GALNT16: variants seen among roughly 807,000 people sequenced by gnomAD.
The protein encoded by GALNT16 is polypeptide N-acetylgalactosaminyltransferase 16.
GALNT16 carries 40 observed loss-of-function variants against 76.1 expected under a neutral mutation model. The observed-to-expected ratio is 0.53, with a 90% confidence interval of 0.41 to 0.68. The LOEUF (loss-of-function observed/expected upper bound fraction) is 0.68, where lower values mean the gene tolerates loss of function less well. GALNT16 is among the 30% of genes least tolerant of loss of function. The pLI is 0.00. For synonymous variants in GALNT16, 276 were observed against 285.2 expected (o/e 0.97, Z 0.32); for missense variants, 621 against 731.9 (o/e 0.85, Z 1.75).
At chr14:69,308,103 C>T (rs943583149) in intron 1 of GALNT16, among the ~76,000 whole-genome samples, 20 of 152,136 alleles carry the variant, frequency 1.3e-4, no homozygotes, top group Admixed American at 2.6e-4. Flanking sequence ...CTACTCCGGA[C>T]GGTACCTCGG....
intron 1 of GALNT16, among the ~76,000 whole-genome samples, chr14:69,274,383 T>C (rs1398968848): frequency 9.2e-5 from 14 of 152,228 alleles, no homozygotes; most frequent in Non-Finnish European, 1.8e-4. Flanking sequence ...TTATTCTCTC[T>C]CATTGGGTCA....
rs200995023 is a variant in GALNT16, at chr14:69,347,000, G to T, written c.1272-40G>T. 119 of 1,613,274 alleles carry T rather than the reference G, an allele frequency of 7.4e-5. 1 individual carries two copies. The highest frequency in any genetic ancestry group is 4.9e-4 in the Middle Eastern group (3 of 6,062). On this transcript the variant is annotated intron_variant, in intron 12 of 14. Coordinates refer to ENST00000448469, the MANE Select transcript of GALNT16 (RefSeq NM_001168368.2). ...TGGCAGAGGGTGTAGGTAAGCCTTGGGGGGGAAAGCACAAGCCTGACTGCT... is the reference window on the plus strand; with the variant it reads ...TGGCAGAGGGTGTAGGTAAGCCTTGTGGGGGAAAGCACAAGCCTGACTGCT...
chr14:69,270,319 C>T (rs573108636), intron 1 of GALNT16, among the ~76,000 whole-genome samples: 180 of 152,312 alleles, frequency 1.2e-3, no homozygotes, highest in Middle Eastern at 3.4e-3. Context: ...CCCGGCCCAT[C>T]TGAGGTGTGT....
Position 69,328,483 on chromosome 14 carries a change from T to G in GALNT16, c.602T>G (p.Val201Gly). 1 of 1,614,028 alleles carries G rather than the reference T, an allele frequency of 6.2e-7. No individual in the cohort carries two copies. The highest frequency in any genetic ancestry group is 8.5e-7 in the Non-Finnish European group (1 of 1,179,972). The change falls in exon 6 of 15, where the codon GTG becomes GGG. Residue 201 changes from valine (V) to glycine (G), a missense_variant. Val to Gly is a moderately radical substitution (Grantham distance 109). Coordinates refer to ENST00000448469, the MANE Select transcript of GALNT16 (RefSeq NM_001168368.2). Reference protein sequence around the residue: ...LIRSRVRGADVAAATVLTFLD... With the variant: ...LIRSRVRGADGAAATVLTFLD... ...CGGTCCCGAGTGCGTGGGGCGGACG[T>G]GGCTGCAGCTACCGTTCTCACCTTT...
At chr14:69,290,733 A>G (rs550122016) in intron 1 of GALNT16, among the ~76,000 whole-genome samples, 1 of 152,368 alleles carries the variant, frequency 6.6e-6, no homozygotes, top group African/African-American at 2.4e-5. Flanking sequence ...TCCAAATGGT[A>G]ATGGTCTCAG....
At chr14:69,306,919 T>G (rs1040929877) in intron 1 of GALNT16, among the ~76,000 whole-genome samples, 1 of 152,206 alleles carries the variant, frequency 6.6e-6, no homozygotes. Context: ...TCAAAGATAT[T>G]AGGTAAGGAA....
chr14:69,386,008 G>A, the GALNT16 span, among the ~76,000 whole-genome samples: 1 of 152,180 alleles, frequency 6.6e-6, no homozygotes, highest in Non-Finnish European at 1.5e-5. Context: ...TACACTAGCT[G>A]TCCCTCATCC....
intron 1 of GALNT16, among the ~76,000 whole-genome samples, chr14:69,299,479 CTG>C (rs1444156825): frequency 6.6e-6 from 1 of 152,196 alleles, no homozygotes; most frequent in Non-Finnish European, 1.5e-5. Context: ...GCAGCAAAGA[CTG>C]TGGCTGACCT....
intron 14 of GALNT16, 176 bp from the exon 15 acceptor site, chr14:69,351,855 T>C (rs1195825618): frequency 1.7e-6 from 1 of 573,052 alleles, no homozygotes; most frequent in African/African-American, 1.9e-5. Context: ...GAGGCTGCAG[T>C]GAGCTGTGGT....
the GALNT16 span, among the ~76,000 whole-genome samples, chr14:69,375,978 G>GT: frequency 6.6e-6 from 1 of 151,670 alleles, no homozygotes. Context: ...TACCGTCGAC[G>GT]TTAAAAAACA....
chr14:69,333,197 C>T lies in GALNT16; in HGVS notation c.863+28C>T, dbSNP rs2045377313. On this transcript the variant is annotated intron_variant, in intron 8 of 14. Transcript: ENST00000448469. The surrounding 1 kb of genome is among the most constrained non-coding windows in gnomAD (Gnocchi z 4.2). ...CAGAGCTGCGGTGGGCTCTGGGGGACCCCTTCCTTCCCTGGGTCAGGGGCC... is the reference window on the plus strand; with the variant it reads ...CAGAGCTGCGGTGGGCTCTGGGGGATCCCTTCCTTCCCTGGGTCAGGGGCC... The T allele has an allele frequency of 3.4e-6, 5 of 1,467,476 alleles. No homozygotes were observed. In the African/African-American group the frequency reaches 5.6e-5, roughly 16 times the overall value. The allele number at this position is 1,467,476 out of a possible 1,614,324, so 90.9% of individuals were successfully genotyped here. A position where few individuals can be genotyped will look rare whatever the true frequency, so the allele number is the denominator to read the frequency against.
intron 5 of GALNT16, among the ~76,000 whole-genome samples, chr14:69,327,123 G>A (rs1376249376): frequency 6.6e-6 from 1 of 152,190 alleles, no homozygotes; most frequent in African/African-American, 2.4e-5. Context: ...GGCTGAGGCG[G>A]GCAGACCACT....
intron 1 of GALNT16, among the ~76,000 whole-genome samples, chr14:69,291,848 T>C (rs2044690895): frequency 6.6e-6 from 1 of 152,192 alleles, no homozygotes; most frequent in Non-Finnish European, 1.5e-5. Context: ...GAAATTGCTT[T>C]GCAAACTGAT....
rs551811292 is a variant in GALNT16, at chr14:69,348,079, G to A, written c.1539+77G>A. The A allele has an allele frequency of 7.4e-6, 11 of 1,493,224 alleles. No individual in the cohort carries two copies. In the South Asian group the frequency reaches 1.2e-4, roughly 17 times the overall value. 92.5% of individuals were successfully genotyped at this position (1,493,224 alleles called of 1,614,324 possible). On this transcript the variant is annotated intron_variant, in intron 14 of 14. Transcript: ENST00000448469. ...CTCAGGGTGGCAGACCTTGGCAGGA[G>A]AGCCCCTGATTGACTCAAATAAGCC...
intron 7 of GALNT16, among the ~76,000 whole-genome samples, chr14:69,331,931 A>C (rs992687465): frequency 1.3e-5 from 2 of 152,228 alleles, no homozygotes; most frequent in East Asian, 3.8e-4. Context: ...TCAGCCTCAC[A>C]TGACTTCCTA....
intron 1 of GALNT16, among the ~76,000 whole-genome samples, chr14:69,301,603 T>C (rs1374051157): frequency 6.6e-6 from 1 of 152,062 alleles, no homozygotes; most frequent in Non-Finnish European, 1.5e-5. Context: ...CCTCCCAAAG[T>C]GCTGGGATTA....
the GALNT16 span, among the ~76,000 whole-genome samples, chr14:69,371,111 C>T: frequency 6.6e-6 from 1 of 152,150 alleles, no homozygotes; most frequent in African/African-American, 2.4e-5. Flanking sequence ...TCAAGAAGTG[C>T]CGGAAGTTGA....
chr14:69,316,786 G>GGCC (rs2045108840), intron 1 of GALNT16, among the ~76,000 whole-genome samples: 1 of 144,324 alleles, frequency 6.9e-6, no homozygotes. Flanking sequence ...AGGGGGGGGG[G>GGCC]CACTGAAGGT....
chr14:69,279,151 C>T (rs969607472), intron 1 of GALNT16, among the ~76,000 whole-genome samples: 19 of 152,100 alleles, frequency 1.2e-4, no homozygotes, highest in Admixed American at 2.6e-4. Flanking sequence ...AGGCTGGTCT[C>T]GAAATCCTGA....
Sources: gnomAD v4.1 joint callset for allele counts (sites outside exome capture counted in the v4.1 genomes callset) on GRCh38, gnomAD v4.1.1 for gene constraint, Gnocchi (gnomAD v3.1) non-coding constraint, MANE v1.5 for transcripts, NCBI Gene and HGNC (gene_info 2026-07-23, HGNC 2026-07-21) for gene names.